Variants in ASIC1 observed in about 807,000 individuals in gnomAD.
ASIC1 encodes acid sensing ion channel subunit 1, also known as acid-sensing ion channel 1.
In ASIC1, 21 loss-of-function variants were observed where a neutral mutation model predicts 63.4. The observed-to-expected ratio is 0.33, with a 90% CI of 0.23 to 0.48. ASIC1 has a LOEUF of 0.48. Among genes scored for constraint, ASIC1 ranks in the 20% least tolerant of loss-of-function variants. ASIC1 has a pLI of 0.99. For missense variants in ASIC1, 478 were observed against 695.5 expected, an observed-to-expected ratio of 0.69 and a Z score of 3.52; for synonymous variants, 258 against 278.2, an observed-to-expected ratio of 0.93 and a Z score of 0.72.
At position 50,077,270 on chromosome 12, in the gene ASIC1, C is replaced by T. The variant is rs774825289; in HGVS notation, c.616C>T (p.Arg206Trp). Residue 206 changes from arginine (R) to tryptophan (W), a missense_variant, in exon 4 of 12, where the codon CGG becomes TGG. Coordinates refer to ENST00000447966, the MANE Select transcript of ASIC1 (RefSeq NM_001095.4). ...CAACTCGGGCCGAGATGGGCGGCCG[C>T]GGCTGAAGACCATGAAGGGTGGGAC... ...TFNSGRDGRPRLKTMKGGTGN... is the reference protein window; with the variant it reads ...TFNSGRDGRPWLKTMKGGTGN... 8.1e-6 allele frequency: 13 copies of T among 1,613,902 alleles called. No individual in the cohort carries two copies. The highest frequency in any genetic ancestry group is 1.7e-5 in the Admixed American group (1 of 59,998).
intron 9 of ASIC1, chr12:50,080,847 T>A: frequency 1.1e-6 from 1 of 914,436 alleles, no homozygotes; most frequent in Non-Finnish European, 1.7e-6. Flanking sequence ...CATATGCCCC[T>A]AAACTAAGAG....
In ASIC1 at chr12:50,058,872, T is replaced by G; in HGVS notation, c.106T>G (p.Tyr36Asp). 1 of 1,614,108 alleles carries G rather than the reference T, an allele frequency of 6.2e-7. No individual in the cohort carries two copies. The highest frequency in any genetic ancestry group is 8.5e-7 in the Non-Finnish European group (1 of 1,179,994). ...TLHGLAHIFSYERLSLKRALW... is the reference protein window; with the variant it reads ...TLHGLAHIFSDERLSLKRALW... ...GCACGGCCTGGCCCACATCTTCTCC[T>G]ACGAGCGGCTGTCTCTGAAGCGGGC... Residue 36 changes from tyrosine to aspartate, a missense_variant, in exon 2 of 12, where the codon TAC becomes GAC. By Grantham distance (160) the Tyr-to-Asp change is radical (BLOSUM62 -3). This residue lies in a region of ASIC1 where 290 missense variants were observed against 414.9 expected (regional missense o/e 0.70). Coordinates refer to ENST00000447966, the MANE Select transcript of ASIC1 (RefSeq NM_001095.4).
chr12:50,068,165 C>T (rs1228312647), intron 3 of ASIC1, among the ~76,000 whole-genome samples: 2 of 152,044 alleles, frequency 1.3e-5, no homozygotes, highest in Non-Finnish European at 2.9e-5. Flanking sequence ...GTGATTACGT[C>T]TGTGAGATTT....
chr12:50,082,914 C>T lies in ASIC1; in HGVS notation c.*1265C>T, dbSNP rs1950735598. On this transcript the variant is annotated 3_prime_UTR_variant, in exon 12 of 12. Coordinates refer to ENST00000447966, the MANE Select transcript of ASIC1 (RefSeq NM_001095.4). ...CGGCCCTCCCTGCAGCCTTAACATT[C>T]TCTTCCCCTGCTCCTCCTATCCCAT... 1 of 152,856 alleles carries T rather than the reference C, an allele frequency of 6.5e-6. No homozygotes were observed. Among genetic ancestry groups the T allele is most frequent in the Non-Finnish European group, 1.5e-5 (1 of 68,164 alleles). The allele number at this position is 152,856 out of a possible 1,614,324, so 9.5% of individuals were successfully genotyped here.
In ASIC1 at chr12:50,059,034, G is replaced by A. The variant is rs1306904297; in HGVS notation, c.268G>A (p.Val90Ile). Residue 90 changes from valine (V) to isoleucine (I), a missense_variant, in exon 2 of 12, where the codon GTC becomes ATC. This residue lies in a region of ASIC1 where 290 missense variants were observed against 414.9 expected (regional missense o/e 0.70). Coordinates refer to ENST00000447966, the MANE Select transcript of ASIC1 (RefSeq NM_001095.4). The surrounding 1 kb of genome is among the most constrained non-coding windows in gnomAD (Gnocchi z 4.6). Reference sequence around the variant, plus strand: ...TGCCTCTCAGCTTACCTTCCCTGCTGTCACGCTGTGCAACCTCAACGAGTT... The same window carrying A: ...TGCCTCTCAGCTTACCTTCCCTGCTATCACGCTGTGCAACCTCAACGAGTT... The part of the protein sequence containing the change: ...VAASQLTFPA[V>I]TLCNLNEFRF... 4 of 1,614,176 alleles carry A rather than the reference G, an allele frequency of 2.5e-6. No homozygotes were observed. The East Asian group carries it at 8.9e-5, about 36-fold the overall frequency.
chr12:50,057,954 C>T lies in ASIC1; in HGVS notation c.-17+38C>T, dbSNP rs1463312140. The T allele has an allele frequency of 1.3e-5, 2 of 152,126 alleles. No individual in the cohort carries two copies. The highest frequency in any genetic ancestry group is 2.9e-5 in the Non-Finnish European group (2 of 68,044). The allele number at this position is 152,126 out of a possible 1,614,324, so 9.4% of individuals were successfully genotyped here. On this transcript the variant is annotated intron_variant, in intron 1 of 11. Transcript: ENST00000447966. The surrounding 1 kb of genome is among the most constrained non-coding windows in gnomAD (Gnocchi z 4.7). Reference sequence around the variant, plus strand: ...TACCCCTGCCTTTGGCCGCGAGGCTCCTCGGTACCCCGAAGCCGGGACTCT... The same window carrying T: ...TACCCCTGCCTTTGGCCGCGAGGCTTCTCGGTACCCCGAAGCCGGGACTCT...
At chr12:50,063,591 G>C (rs868534382) in intron 3 of ASIC1, among the ~76,000 whole-genome samples, 2 of 152,260 alleles carry the variant, frequency 1.3e-5, no homozygotes, top group South Asian at 2.1e-4. Flanking sequence ...TCCTTCTCAG[G>C]ACCCTGGATT....
intron 1 of ASIC1, among the ~76,000 whole-genome samples, chr12:50,058,194 G>A (rs1950464841): frequency 6.6e-6 from 1 of 151,944 alleles, no homozygotes; most frequent in African/African-American, 2.4e-5. Context: ...CACAGCCTGC[G>A]CTTATGTGAG....
chr12:50,060,350 G>C (rs1365335821), intron 3 of ASIC1, among the ~76,000 whole-genome samples: 1 of 152,202 alleles, frequency 6.6e-6, no homozygotes, highest in African/African-American at 2.4e-5. Context: ...CTGGGAGCTT[G>C]AAAGGAATGC....
At chr12:50,080,118 G>A in intron 8 of ASIC1, 63 bp downstream of exon 8, 1 of 1,517,294 alleles carries the variant, frequency 6.6e-7, no homozygotes, top group East Asian at 2.3e-5. Flanking sequence ...GATGAGTGGG[G>A]TTTGATGGGG....
At chr12:50,070,355 G>GGT (rs139562888) in intron 3 of ASIC1, among the ~76,000 whole-genome samples, 21 of 151,820 alleles carry the variant, frequency 1.4e-4, no homozygotes, top group African/African-American at 4.6e-4. Flanking sequence ...CATGCAGTTG[G>GGT]GTGTGTGTGT....
At chr12:50,063,022 G>A in intron 3 of ASIC1, among the ~76,000 whole-genome samples, 1 of 152,304 alleles carries the variant, frequency 6.6e-6, no homozygotes, top group Non-Finnish European at 1.5e-5. Context: ...TGGCTGGGAA[G>A]GTTTCAATAG....
intron 3 of ASIC1, among the ~76,000 whole-genome samples, chr12:50,060,452 GA>G (rs1448192119): frequency 6.6e-6 from 1 of 152,212 alleles, no homozygotes; most frequent in Non-Finnish European, 1.5e-5. Flanking sequence ...TAAAGTTTGA[GA>G]AGCACCGTGA....
chr12:50,064,386 C>A (rs1179422705), intron 3 of ASIC1, among the ~76,000 whole-genome samples: 1 of 152,166 alleles, frequency 6.6e-6, no homozygotes, highest in Non-Finnish European at 1.5e-5. Flanking sequence ...GACACAGATA[C>A]ACACAAACAT....
chr12:50,074,604 G>C lies in ASIC1; in HGVS notation c.559-2609G>C, dbSNP rs1038793559. The stretch of plus-strand genomic sequence containing the variant: ...TGCTCCATCTGTGAGGTCAACCTTT[G>C]ATCTGTTGGTGGACGCCAGTGCCTG... On this transcript the variant is annotated intron_variant, in intron 3 of 11. Transcript: ENST00000447966. The surrounding 1 kb of genome is among the most constrained non-coding windows in gnomAD (Gnocchi z 4.2). 3.9e-5 allele frequency among the ~76,000 whole-genome samples: 6 copies of C among 152,186 alleles called. No homozygotes were observed. The highest frequency in any genetic ancestry group is 3.9e-4 in the Admixed American group (6 of 15,274).
At chr12:50,065,797 G>T (rs1238183144) in intron 3 of ASIC1, among the ~76,000 whole-genome samples, 4 of 152,240 alleles carry the variant, frequency 2.6e-5, no homozygotes, top group Non-Finnish European at 5.9e-5. Context: ...GGCCCAGGAG[G>T]TTGGGCTGTG....
Position 50,078,717 on chromosome 12 carries a change from C to T in ASIC1, c.994+140C>T, listed in dbSNP as rs1413344388. ...CCCACCTGGCTCATGTCTCTCTGACCTCAGTTCCCGCCTGCACCCCCAGGG... is the reference window on the plus strand; with the variant it reads ...CCCACCTGGCTCATGTCTCTCTGACTTCAGTTCCCGCCTGCACCCCCAGGG... On this transcript the variant is annotated intron_variant, in intron 6 of 11. Coordinates refer to ENST00000447966, the MANE Select transcript of ASIC1 (RefSeq NM_001095.4). The surrounding 1 kb of genome is among the most constrained non-coding windows in gnomAD (Gnocchi z 6.0). 3 of 1,412,424 alleles carry T rather than the reference C, an allele frequency of 2.1e-6. No individual in the cohort carries two copies. Among genetic ancestry groups the T allele is most frequent in the Non-Finnish European group, 2.9e-6 (3 of 1,017,404 alleles). 87.5% of individuals were successfully genotyped at this position (1,412,424 alleles called of 1,614,324 possible).
At chr12:50,075,423 C>T (rs146323044) in intron 3 of ASIC1, among the ~76,000 whole-genome samples, 4 of 152,328 alleles carry the variant, frequency 2.6e-5, no homozygotes, top group East Asian at 1.9e-4. Context: ...GGCTGCTAGC[C>T]GGCCTCAGAC....
intron 4 of ASIC1, among the ~76,000 whole-genome samples, 188 bp downstream of exon 4, chr12:50,077,551 G>A (rs1473300961): frequency 1.3e-5 from 2 of 151,716 alleles, no homozygotes; most frequent in Non-Finnish European, 2.9e-5. Flanking sequence ...CCACTTCCTG[G>A]TTCAGTTACT....
Sources: allele counts gnomAD v4.1 joint callset (sites outside exome capture counted in the v4.1 genomes callset), GRCh38; gene constraint gnomAD v4.1.1; regional missense constraint gnomAD v4.1.1; non-coding constraint Gnocchi (gnomAD v3.1); transcripts MANE v1.5; gene names NCBI Gene and HGNC (gene_info 2026-07-23, HGNC 2026-07-21).